The following SEMA3F variants were observed in gnomAD, a reference collection of about 807,000 sequenced individuals.
SEMA3F encodes the protein semaphorin 3F.
Under a neutral mutation model 98.5 loss-of-function variants are expected in SEMA3F, and 30 were observed. The observed-to-expected ratio is 0.30, with a 90% confidence interval of 0.23 to 0.41. The LOEUF is 0.41. Ranked by LOEUF, SEMA3F falls within the 10% of genes least tolerant of loss-of-function variation. The pLI, the probability that SEMA3F is intolerant of heterozygous loss-of-function variation, is 1.00. For missense variants in SEMA3F, 866 were observed against 1,119.3 expected (o/e 0.77, Z 3.23); for synonymous variants, 380 against 444.8 (o/e 0.85, Z 1.83).
chr3:50,186,752 T>G lies in SEMA3F; in HGVS notation c.1947+6T>G, dbSNP rs1358418865. On this transcript the variant is annotated splice_donor_region_variant and intron_variant, in intron 18 of 18. Transcript: ENST00000002829. ...CTGGTGACCGGCGCCGAGAGGTGAG[T>G]TCCTGCGCCCGGTGCTGCACCGTGG... 3 of 1,596,016 alleles carry G rather than the reference T, an allele frequency of 1.9e-6. No homozygotes were observed. In the South Asian group the frequency reaches 3.3e-5, roughly 18 times the overall value.
At chr3:50,174,977 G>A (rs1575394800) in intron 5 of SEMA3F, 119 bp from the exon 6 acceptor site, 1 of 701,636 alleles carries the variant, frequency 1.4e-6, no homozygotes. Context: ...GACGTGCTCT[G>A]GGGGGCCCAC....
chr3:50,185,346 C>G (rs1699168363), intron 13 of SEMA3F, 97 bp from the exon 14 acceptor site: 1 of 1,157,480 alleles, frequency 8.6e-7, no homozygotes, highest in Non-Finnish European at 1.2e-6. Context: ...CTCCAATGCC[C>G]TAGGGGGGTT....
At chr3:50,170,922 G>A (rs892243669) in intron 2 of SEMA3F, among the ~76,000 whole-genome samples, 41 of 152,284 alleles carry the variant, frequency 2.7e-4, no homozygotes, top group African/African-American at 9.6e-4. Context: ...CTGTCCACGG[G>A]GAGCGAGTCA....
intron 2 of SEMA3F, among the ~76,000 whole-genome samples, chr3:50,165,629 C>G (rs951241475): frequency 6.6e-6 from 1 of 152,216 alleles, no homozygotes; most frequent in Non-Finnish European, 1.5e-5. Context: ...CCTCAAGAAG[C>G]CCTGGGAGCT....
rs1376365685 is a variant in SEMA3F, at chr3:50,155,490, G to T, written c.-123G>T. The T allele has an allele frequency of 3.1e-6, 1 of 321,560 alleles. No homozygotes were observed. The highest frequency in any genetic ancestry group is 2.2e-5 in the African/African-American group (1 of 45,720). The allele number at this position is 321,560 out of a possible 1,614,324, so 19.9% of individuals were successfully genotyped here. On this transcript the variant is annotated 5_prime_UTR_variant, in exon 1 of 19. Coordinates refer to ENST00000002829, the MANE Select transcript of SEMA3F (RefSeq NM_004186.5). The surrounding 1 kb of genome is among the most constrained non-coding windows in gnomAD (Gnocchi z 4.9). Reference sequence around the variant, plus strand: ...GCCATGGCCCCGGGGGGCCGCTAGCGCGGACCGGCCCAACGGGAGCCGCTC... The same window carrying T: ...GCCATGGCCCCGGGGGGCCGCTAGCTCGGACCGGCCCAACGGGAGCCGCTC...
chr3:50,166,927 C>T lies in SEMA3F; in HGVS notation c.113-6866C>T, dbSNP rs1698427528. ...AGGAGGAGGTGGGTCCCCCGGGGGC[C>T]TCTGAAACTGGAGGCACTCACTGAA... On this transcript the variant is annotated intron_variant, in intron 2 of 18. Transcript: ENST00000002829. This position sits in a 1 kb window ranked among gnomAD's most constrained non-coding sequence, Gnocchi z 4.7. Among the ~76,000 whole-genome samples the T allele has an allele frequency of 6.6e-6, 1 of 152,128 alleles. No homozygotes were observed. Among genetic ancestry groups the T allele is most frequent in the South Asian group, 2.1e-4 (1 of 4,830 alleles).
intron 12 of SEMA3F, chr3:50,184,311 G>T (rs1575407739): frequency 4.0e-6 from 2 of 496,206 alleles, no homozygotes; most frequent in Non-Finnish European, 7.3e-6. Flanking sequence ...ACAGGGGTGG[G>T]GAGGGGGACA....
chr3:50,178,008 G>A (rs768168686), intron 7 of SEMA3F, among the ~76,000 whole-genome samples: 3 of 152,202 alleles, frequency 2.0e-5, no homozygotes, highest in Non-Finnish European at 4.4e-5. Context: ...TTGGGAGACG[G>A]AGGCGGGCGG....
chr3:50,184,305 G>A, intron 12 of SEMA3F: 2 of 482,436 alleles, frequency 4.1e-6, no homozygotes, highest in Non-Finnish European at 7.6e-6. Context: ...GAGATGACAG[G>A]GGTGGGGAGG....
At position 50,160,371 on chromosome 3, in the gene SEMA3F, G is replaced by C. The variant is rs1013657856; in HGVS notation, c.112+637G>C. Among the ~76,000 whole-genome samples, 13 of 152,340 alleles carry C rather than the reference G, an allele frequency of 8.5e-5. No homozygotes were observed. The South Asian group carries it at 2.5e-3, about 29-fold the overall frequency. ...GCTCCAGTGAGCACTTTGATGAGAA[G>C]TCACTGGGAGGTTTCAGTGATGGGC... On this transcript the variant is annotated intron_variant, in intron 2 of 18. Coordinates refer to ENST00000002829, the MANE Select transcript of SEMA3F (RefSeq NM_004186.5).
chr3:50,170,531 A>C (rs1698562188), intron 2 of SEMA3F, among the ~76,000 whole-genome samples: 2 of 152,098 alleles, frequency 1.3e-5, no homozygotes, highest in Non-Finnish European at 2.9e-5. Context: ...GACACCCATG[A>C]AGGATGGGTT....
In SEMA3F at chr3:50,188,067, G is replaced by A; in HGVS notation, c.2310G>A (p.Gln770=). The A allele has an allele frequency of 6.4e-7, 1 of 1,568,110 alleles. No individual in the cohort carries two copies. Among genetic ancestry groups the A allele is most frequent in the Middle Eastern group, 1.7e-4 (1 of 5,848 alleles). The change falls in exon 19 of 19, where the codon CAG becomes CAA. Residue 770 remains glutamine (Q), a synonymous_variant. Transcript: ENST00000002829. The surrounding 1 kb of genome is among the most constrained non-coding windows in gnomAD (Gnocchi z 4.5). The stretch of plus-strand genomic sequence containing the variant: ...GGGCACCCCGGTCTCCTGAGCCCCA[G>A]GACCAGAAAAAGCCCCGGAACCGCC... ...APGAPRSPEP[Q]DQKKPRNRRH...
At chr3:50,174,178 G>A in intron 4 of SEMA3F, 53 bp from the exon 5 acceptor site, 2 of 1,613,244 alleles carry the variant, frequency 1.2e-6, no homozygotes. Context: ...ACTGCCCCCA[G>A]TGAGGGGGCA....
chr3:50,159,774 CT>C, intron 2 of SEMA3F, 40 bp downstream of exon 2: 1 of 1,354,162 alleles, frequency 7.4e-7, no homozygotes. Context: ...ATCATCCTCT[CT>C]TTACAATAGC....
intron 5 of SEMA3F, 54 bp from the exon 6 acceptor site, chr3:50,175,042 G>T (rs1404392818): frequency 1.6e-6 from 2 of 1,286,786 alleles, no homozygotes; most frequent in Non-Finnish European, 2.2e-6. Flanking sequence ...GCCCGAGCCC[G>T]CTCCCCCAGC....
chr3:50,184,891 G>C (rs1699152781), intron 13 of SEMA3F, 77 bp downstream of exon 13: 2 of 1,104,848 alleles, frequency 1.8e-6, no homozygotes, highest in African/African-American at 1.6e-5. Context: ...GCTGGGGCTT[G>C]CCCTGCTAGG....
intron 2 of SEMA3F, among the ~76,000 whole-genome samples, chr3:50,168,667 C>T (rs1348957107): frequency 2.6e-5 from 4 of 152,168 alleles, no homozygotes; most frequent in Admixed American, 2.6e-4. Flanking sequence ...GGGGGCCAGC[C>T]CAGTCCCCAG....
intron 1 of SEMA3F, among the ~76,000 whole-genome samples, chr3:50,157,907 T>C (rs1026043021): frequency 6.6e-6 from 1 of 152,102 alleles, no homozygotes; most frequent in Non-Finnish European, 1.5e-5. Flanking sequence ...CGTTACATAG[T>C]ATCGAAGCTC....
Position 50,183,438 on chromosome 3 carries a change from T to C in SEMA3F, c.1107T>C (p.Ser369=). The C allele has an allele frequency of 6.2e-7, 1 of 1,614,120 alleles. No individual in the cohort carries two copies. The highest frequency in any genetic ancestry group is 8.5e-7 in the Non-Finnish European group (1 of 1,180,000). ...CCCACAGCTCCGTGTTCCGAGGCTCTGCCGTGTGTGTCTACTCCATGGCTG... is the reference window on the plus strand; with the variant it reads ...CCCACAGCTCCGTGTTCCGAGGCTCCGCCGTGTGTGTCTACTCCATGGCTG... ...FTSSGSVFRG[S]AVCVYSMADI... The change falls in exon 12 of 19, where the codon TCT becomes TCC. Residue 369 remains serine, a synonymous_variant. Transcript: ENST00000002829.
Sources: gnomAD v4.1 joint callset for allele counts (sites outside exome capture counted in the v4.1 genomes callset) on GRCh38, gnomAD v4.1.1 for gene constraint, Gnocchi (gnomAD v3.1) non-coding constraint, MANE v1.5 for transcripts, NCBI Gene and HGNC (gene_info 2026-07-23, HGNC 2026-07-21) for gene names.